Variants in LYN observed in about 807,000 individuals in gnomAD.
LYN encodes the protein LYN proto-oncogene, Src family tyrosine kinase.
In LYN, 12 loss-of-function variants were observed where a neutral mutation model predicts 65.0. The ratio of observed to expected loss-of-function variants is 0.18; its 90% CI spans 0.12 to 0.30. The LOEUF is 0.30. Among genes scored for constraint, LYN ranks in the 10% least tolerant of loss-of-function variants. LYN has a pLI of 1.00. For missense variants in LYN, 380 were observed against 623.2 expected (o/e 0.61, Z 4.16); for synonymous variants, 222 against 221.2 (o/e 1.00, Z -0.03).
At chr8:55,951,664 CAAA>C (rs75568524) in intron 6 of LYN, among the ~76,000 whole-genome samples, 3 of 108,784 alleles carry the variant, frequency 2.8e-5, no homozygotes, top group Admixed American at 9.7e-5. Context: ...CAACCTATTT[CAAA>C]AAAAAAAAAA....
intron 1 of LYN, among the ~76,000 whole-genome samples, chr8:55,880,411 CG>C: frequency 6.6e-6 from 1 of 152,004 alleles, no homozygotes; most frequent in African/African-American, 2.4e-5. Flanking sequence ...GCGGGCTCAC[CG>C]CGTGTCCTTC....
chr8:55,971,232 G>C (rs1185977926), intron 10 of LYN, among the ~76,000 whole-genome samples: 1 of 152,240 alleles, frequency 6.6e-6, no homozygotes, highest in East Asian at 1.9e-4. Flanking sequence ...TTTTAGCCCT[G>C]TCCTCAAAGT....
chr8:55,972,599 C>A (rs1173644849), intron 10 of LYN, among the ~76,000 whole-genome samples: 1 of 152,218 alleles, frequency 6.6e-6, no homozygotes, highest in Non-Finnish European at 1.5e-5. Context: ...CCTTCACACA[C>A]CTTTCTGAAA....
At chr8:55,897,391 A>G (rs1282266269) in intron 1 of LYN, among the ~76,000 whole-genome samples, 6 of 152,122 alleles carry the variant, frequency 3.9e-5, no homozygotes, top group Non-Finnish European at 8.8e-5. Flanking sequence ...ATCAGGAGGG[A>G]GCATTCTGAC....
chr8:55,946,634 G>A (rs1050926435), intron 3 of LYN, 141 bp downstream of exon 3: 2 of 632,668 alleles, frequency 3.2e-6, no homozygotes, highest in South Asian at 2.0e-5. Context: ...CTATTTTTAA[G>A]TATACATTTC....
intron 10 of LYN, among the ~76,000 whole-genome samples, chr8:55,976,344 AGAAG>A (rs1444401019): frequency 1.5e-4 from 22 of 147,758 alleles, no homozygotes; most frequent in South Asian, 2.1e-4. Context: ...AAAAAAAAAA[AGAAG>A]GAAGGAAGGA....
chr8:55,974,203 C>G (rs1807691473), intron 10 of LYN, among the ~76,000 whole-genome samples: 1 of 152,184 alleles, frequency 6.6e-6, no homozygotes, highest in Admixed American at 6.5e-5. Context: ...TCCTCTGCAG[C>G]CTGCTGTTGT....
chr8:55,922,752 A>C (rs936495909), intron 1 of LYN, among the ~76,000 whole-genome samples: 1 of 150,988 alleles, frequency 6.6e-6, no homozygotes, highest in African/African-American at 2.5e-5. Flanking sequence ...GGGCAAAAAG[A>C]GCGAAATTCC....
intron 10 of LYN, among the ~76,000 whole-genome samples, chr8:55,991,539 T>A (rs1808250056): frequency 6.6e-6 from 1 of 152,220 alleles, no homozygotes; most frequent in Non-Finnish European, 1.5e-5. Flanking sequence ...ATTATTAATA[T>A]GTTCTGTGCA....
chr8:55,925,474 T>C (rs1247270251), intron 1 of LYN, among the ~76,000 whole-genome samples: 1 of 152,240 alleles, frequency 6.6e-6, no homozygotes, highest in Non-Finnish European at 1.5e-5. Context: ...TTTAAAATCC[T>C]TGGCTAGGTT....
intron 1 of LYN, among the ~76,000 whole-genome samples, chr8:55,941,518 C>T (rs1408106026): frequency 6.6e-6 from 1 of 152,232 alleles, no homozygotes; most frequent in Non-Finnish European, 1.5e-5. Context: ...CTTTCCCTGA[C>T]CACCTCCTTT....
chr8:55,968,314 G>A (rs1468235178), intron 9 of LYN, among the ~76,000 whole-genome samples: 1 of 152,042 alleles, frequency 6.6e-6, no homozygotes, highest in Non-Finnish European at 1.5e-5. Context: ...GGAGTGCAGT[G>A]GCACTATCTT....
intron 8 of LYN, among the ~76,000 whole-genome samples, chr8:55,959,823 A>G (rs987571700): frequency 6.6e-6 from 1 of 152,234 alleles, no homozygotes. Context: ...CAATAAAAAA[A>G]AAAAATGACC....
chr8:55,905,227 A>G (rs1408890164), intron 1 of LYN, among the ~76,000 whole-genome samples: 2 of 152,214 alleles, frequency 1.3e-5, no homozygotes, highest in Non-Finnish European at 2.9e-5. Flanking sequence ...CCTGGCCAAC[A>G]TGGTGAAACC....
At chr8:55,962,402 ATGT>A (rs766889035) in intron 8 of LYN, among the ~76,000 whole-genome samples, 107 of 144,680 alleles carry the variant, frequency 7.4e-4, no homozygotes, top group Admixed American at 1.7e-3. Flanking sequence ...AGTCCCTATG[ATGT>A]TGGTGAGATG....
At chr8:55,979,191 T>C (rs1334864868) in intron 10 of LYN, among the ~76,000 whole-genome samples, 2 of 151,812 alleles carry the variant, frequency 1.3e-5, no homozygotes, top group Non-Finnish European at 2.9e-5. Context: ...TACAAACGTG[T>C]GCCACCACGC....
At position 55,891,308 on chromosome 8, in the gene LYN, C is replaced by T. The variant is rs531322021; in HGVS notation, c.-6+11205C>T. On this transcript the variant is annotated intron_variant, in intron 1 of 12. Coordinates refer to ENST00000519728, the MANE Select transcript of LYN (RefSeq NM_002350.4). ...CAGAGGTTGCAGTGAGTCGAGATCC[C>T]GCGACTGCACTCCAGCCAGGGCAAC... Among the ~76,000 whole-genome samples the T allele has an allele frequency of 1.5e-4, 22 of 150,908 alleles. No individual in the cohort carries two copies. In the South Asian group the frequency reaches 4.0e-3, roughly 27 times the overall value.
intron 1 of LYN, among the ~76,000 whole-genome samples, chr8:55,914,405 G>A (rs1024204076): frequency 7.3e-4 from 111 of 152,222 alleles, no homozygotes; most frequent in Non-Finnish European, 5.7e-4. Context: ...CCCCTAAAGT[G>A]AGAGTGGAAG....
At chr8:55,985,668 AT>A (rs1808055562) in intron 10 of LYN, among the ~76,000 whole-genome samples, 1 of 152,182 alleles carries the variant, frequency 6.6e-6, no homozygotes, top group African/African-American at 2.4e-5. Context: ...CTTCTCAGCT[AT>A]CTGACATGGT....
Sources: allele counts gnomAD v4.1 joint callset (sites outside exome capture counted in the v4.1 genomes callset), GRCh38; gene constraint gnomAD v4.1.1; transcripts MANE v1.5; gene names NCBI Gene and HGNC (gene_info 2026-07-23, HGNC 2026-07-21).